The following NFKBIZ variants were observed in gnomAD, a reference collection of about 807,000 sequenced individuals.
The protein encoded by NFKBIZ is NFKB inhibitor zeta.
In NFKBIZ, 19 loss-of-function variants were observed where a neutral mutation model predicts 76.8. The observed-to-expected ratio is 0.25, with a 90% CI of 0.17 to 0.36. The LOEUF is 0.36. Ranked by LOEUF, NFKBIZ falls within the 10% of genes least tolerant of loss-of-function variation. NFKBIZ has a pLI of 1.00. For synonymous variants in NFKBIZ, 368 were observed against 354.8 expected (o/e 1.04, Z -0.42); for missense variants, 829 against 910.9 (o/e 0.91, Z 1.16).
chr3:101,854,634 G>A lies in NFKBIZ; in HGVS notation c.1394G>A (p.Arg465Lys), dbSNP rs1026213658. The change falls in exon 6 of 12, where the codon AGA becomes AAA. Residue 465 changes from arginine (R) to lysine (K), a missense_variant. Arg to Lys is a conservative substitution (Grantham distance 26). Coordinates refer to ENST00000326172, the MANE Select transcript of NFKBIZ (RefSeq NM_031419.4). ...AGGGCACTTTCCTATGTTCTTGCAA[G>A]AAAGATGAATGCACTTCACATGCTG... ...GRRALSYVLA[R>K]KMNALHMLDI... is the part of the protein sequence containing the mutation. 28 of 1,613,728 alleles carry A rather than the reference G, an allele frequency of 1.7e-5. No homozygotes were observed. Among genetic ancestry groups the A allele is most frequent in the Non-Finnish European group, 2.3e-5 (27 of 1,179,958 alleles).
upstream of NFKBIZ, among the ~76,000 whole-genome samples, chr3:101,845,222 C>T (rs995255905): frequency 2.0e-5 from 3 of 150,538 alleles, no homozygotes; most frequent in African/African-American, 4.9e-5. Context: ...GATCCAAGAT[C>T]GTGCCACTGC....
At chr3:101,855,663 T>G in intron 8 of NFKBIZ, 70 bp from the exon 9 acceptor site, 1 of 1,486,402 alleles carries the variant, frequency 6.7e-7, no homozygotes, top group South Asian at 1.3e-5. Flanking sequence ...TCCTCAGCAT[T>G]TGTCATTATA....
intron 2 of NFKBIZ, among the ~76,000 whole-genome samples, chr3:101,843,013 T>G (rs1163757840): frequency 2.3e-5 from 3 of 130,574 alleles, no homozygotes; most frequent in Non-Finnish European, 4.8e-5. Context: ...TTAAAAACTG[T>G]ATTTTCTAAA....
Position 101,859,345 on chromosome 3 carries a change from A to C in NFKBIZ, c.2131A>C (p.Ile711Leu), listed in dbSNP as rs149653376. ...CCGACGTATCCTGAAGGGAAAGTCC[A>C]TTCAGCAGAGAGCTCCACCGTATTA... ...QIRRILKGKS[I>L]QQRAPPY Residue 711 changes from isoleucine to leucine, a missense_variant, in exon 12 of 12, where the codon ATT becomes CTT. Coordinates refer to ENST00000326172, the MANE Select transcript of NFKBIZ (RefSeq NM_031419.4). 6.2e-7 allele frequency: 1 copy of C among 1,613,644 alleles called. No individual in the cohort carries two copies. The highest frequency in any genetic ancestry group is 2.2e-5 in the East Asian group (1 of 44,858).
At chr3:101,857,853 G>T (rs1943073093) in intron 11 of NFKBIZ, 12 of 950,218 alleles carry the variant, frequency 1.3e-5, no homozygotes, top group Non-Finnish European at 1.3e-5. Flanking sequence ...TACATGTGGA[G>T]TGCTCACAAT....
intron 1 of NFKBIZ, among the ~76,000 whole-genome samples, chr3:101,850,943 A>T (rs1468189581): frequency 6.6e-6 from 1 of 152,226 alleles, no homozygotes; most frequent in African/African-American, 2.4e-5. Flanking sequence ...CCACACAGCC[A>T]CAGGGGATTT....
At position 101,853,107 on chromosome 3, in the gene NFKBIZ, C is replaced by T; in HGVS notation, c.581C>T (p.Pro194Leu). ...TCTTTCCAGACACCACCTCAAACAC[C>T]AACGCCCGGGGAGAGCATGGAAGAT... ...HSQFLTPPQT[P>L]TPGESMEDVH... The change falls in exon 5 of 12, where the codon CCA (proline) becomes CTA (leucine). Residue 194 changes from proline (P) to leucine (L), a missense_variant. Pro to Leu is a moderately conservative substitution (Grantham distance 98). Coordinates refer to ENST00000326172, the MANE Select transcript of NFKBIZ (RefSeq NM_031419.4). 6.2e-7 allele frequency: 1 copy of T among 1,613,412 alleles called. No homozygotes were observed. Among genetic ancestry groups the T allele is most frequent in the Non-Finnish European group, 8.5e-7 (1 of 1,179,384 alleles).
chr3:101,856,256 T>C (rs1054808078), intron 9 of NFKBIZ, among the ~76,000 whole-genome samples: 1 of 152,184 alleles, frequency 6.6e-6, no homozygotes, highest in African/African-American at 2.4e-5. Flanking sequence ...TTCACCATGT[T>C]AGCCAGGATG....
At chr3:101,839,081 C>T (rs1942757569) in intron 2 of NFKBIZ, among the ~76,000 whole-genome samples, 1 of 152,088 alleles carries the variant, frequency 6.6e-6, no homozygotes, top group South Asian at 2.1e-4. Context: ...ATATATGTTA[C>T]ATATGATATA....
chr3:101,837,465 T>C (rs1942735339), intron 2 of NFKBIZ, among the ~76,000 whole-genome samples: 1 of 141,338 alleles, frequency 7.1e-6, no homozygotes, highest in Admixed American at 7.5e-5. Context: ...AGCACTTAGC[T>C]TGAGCAACAG....
chr3:101,829,673 T>C (rs1253621219), exon 2 of NFKBIZ: 2 of 152,170 alleles, frequency 1.3e-5, no homozygotes, highest in African/African-American at 4.8e-5. Flanking sequence ...CTTGGCCTGA[T>C]GCTGAACTCT....
rs566313482 is a variant in NFKBIZ, at chr3:101,859,884, C to T, written c.*513C>T. The T allele has an allele frequency of 2.1e-4, 32 of 153,462 alleles. No homozygotes were observed. Among genetic ancestry groups the T allele is most frequent in the African/African-American group, 7.0e-4 (29 of 41,564 alleles). 9.5% of individuals were successfully genotyped at this position (153,462 alleles called of 1,614,324 possible). A position where few individuals can be genotyped will look rare whatever the true frequency, so the allele number is the denominator to read the frequency against. ...ATGGTTAGAATTTGATCTTTGCAAA[C>T]TGTATATAATTGTTATTTTTGTCCT... On this transcript the variant is annotated 3_prime_UTR_variant, in exon 12 of 12. Transcript: ENST00000326172.
chr3:101,856,032 A>T, intron 9 of NFKBIZ, 130 bp downstream of exon 9: 1 of 789,090 alleles, frequency 1.3e-6, no homozygotes, highest in Non-Finnish European at 1.9e-6. Context: ...GTAGCAATGT[A>T]TGGGTGGTTA....
intron 1 of NFKBIZ, among the ~76,000 whole-genome samples, chr3:101,828,830 T>A (rs1454573695): frequency 6.6e-6 from 1 of 152,224 alleles, no homozygotes; most frequent in Non-Finnish European, 1.5e-5. Context: ...TTCTCTTCAT[T>A]GGGATTAGTG....
chr3:101,857,264 G>A (rs1244719745), intron 10 of NFKBIZ, 28 bp from the exon 11 acceptor site: 29 of 1,613,356 alleles, frequency 1.8e-5, no homozygotes, highest in Non-Finnish European at 2.4e-5. Flanking sequence ...CCTTCCTGAT[G>A]TCTGATAATT....
chr3:101,843,273 A>C (rs927361459), intron 2 of NFKBIZ, among the ~76,000 whole-genome samples: 3 of 151,804 alleles, frequency 2.0e-5, no homozygotes, highest in Non-Finnish European at 4.4e-5. Flanking sequence ...CATCTCTACA[A>C]AACATGAAAA....
intron 2 of NFKBIZ, among the ~76,000 whole-genome samples, chr3:101,842,763 C>T (rs1175372263): frequency 4.0e-5 from 6 of 150,876 alleles, no homozygotes; most frequent in South Asian, 2.1e-4. Context: ...ATTGGTATGC[C>T]GATGGCAGTC....
chr3:101,849,423 G>C, upstream of NFKBIZ: 1 of 378,598 alleles, frequency 2.6e-6, no homozygotes, highest in Non-Finnish European at 4.6e-6. Context: ...CTGGGAGGCG[G>C]CCCGGGCACC....
chr3:101,834,507 C>A (rs1462425398), intron 2 of NFKBIZ, among the ~76,000 whole-genome samples: 1 of 152,018 alleles, frequency 6.6e-6, no homozygotes, highest in Non-Finnish European at 1.5e-5. Flanking sequence ...ACTACAGGCA[C>A]CCGCCACCAC....
Sources: allele counts gnomAD v4.1 joint callset (sites outside exome capture counted in the v4.1 genomes callset), GRCh38; gene constraint gnomAD v4.1.1; transcripts MANE v1.5; gene names NCBI Gene and HGNC (gene_info 2026-07-23, HGNC 2026-07-21).